Variants in DNAH11 observed in about 807,000 individuals in gnomAD.
DNAH11 encodes the protein axonemal beta dynein heavy chain 11.
In DNAH11, 442 loss-of-function variants were observed where a neutral mutation model predicts 526.0. The observed-to-expected ratio is 0.84, with a 90% CI of 0.78 to 0.91. The LOEUF is 0.91. DNAH11 is among the 40% of genes least tolerant of loss of function. The pLI, the probability that DNAH11 is intolerant of heterozygous loss-of-function variation, is 0.00. For synonymous variants in DNAH11, 2,461 were observed against 1,935.9 expected (o/e 1.27, Z -7.12); for missense variants, 6,989 against 5,448.7 (o/e 1.28, Z -8.90).
rs547002710 is a variant in DNAH11 at position 21,584,653 on chromosome 7, C to T, written c.1710+2632C>T. Among the ~76,000 whole-genome samples the T allele has an allele frequency of 9.2e-5, 14 of 152,128 alleles. No individual in the cohort carries two copies. In the East Asian group the frequency reaches 1.5e-3, roughly 17 times the overall value. On this transcript the variant is annotated intron_variant, in intron 9 of 81. Transcript: ENST00000409508. ...TGAAACTCAGGTGCCAGCCATCAGCCGAAATGTACAGCCTGTTGTTATAAA... is the reference window on the plus strand; with the variant it reads ...TGAAACTCAGGTGCCAGCCATCAGCTGAAATGTACAGCCTGTTGTTATAAA...
intron 61 of DNAH11, among the ~76,000 whole-genome samples, chr7:21,800,634 A>G (rs1788944011): frequency 6.6e-6 from 1 of 152,236 alleles, no homozygotes; most frequent in Non-Finnish European, 1.5e-5. Flanking sequence ...CATTCCAAAA[A>G]AAATGAAAAA....
chr7:21,693,975 G>T (rs760529644), intron 35 of DNAH11, among the ~76,000 whole-genome samples: 1 of 152,014 alleles, frequency 6.6e-6, no homozygotes, highest in Non-Finnish European at 1.5e-5. Flanking sequence ...GAAGTGCCAC[G>T]CACTTTCAAC....
At chr7:21,604,393 AAAC>A (rs1785205757) in intron 18 of DNAH11, among the ~76,000 whole-genome samples, 1 of 152,158 alleles carries the variant, frequency 6.6e-6, no homozygotes, top group Non-Finnish European at 1.5e-5. Flanking sequence ...ATATACTCTG[AAAC>A]AAGATGAATA....
At chr7:21,620,929 G>A (rs929094360) in intron 25 of DNAH11, among the ~76,000 whole-genome samples, 12 of 152,042 alleles carry the variant, frequency 7.9e-5, no homozygotes, top group African/African-American at 2.9e-4. Flanking sequence ...ATTCCATGGT[G>A]TATCTGTGCC....
At chr7:21,875,912 C>G (rs1056191485) in intron 74 of DNAH11, among the ~76,000 whole-genome samples, 1 of 113,814 alleles carries the variant, frequency 8.8e-6, no homozygotes, top group Non-Finnish European at 1.6e-5. Context: ...GAGACAGAGT[C>G]TCACTCTATC....
intron 62 of DNAH11, among the ~76,000 whole-genome samples, chr7:21,804,646 A>T (rs928615360): frequency 2.0e-5 from 3 of 152,188 alleles, no homozygotes; most frequent in East Asian, 1.9e-4. Context: ...CAGATATTCT[A>T]TTGACCCTGC....
chr7:21,673,555 C>G (rs1357341406), intron 30 of DNAH11, among the ~76,000 whole-genome samples: 3 of 152,122 alleles, frequency 2.0e-5, no homozygotes, highest in Admixed American at 2.0e-4. Context: ...GAGCATTTCT[C>G]CATCTCTGCT....
chr7:21,741,213 A>G (rs80159670), intron 48 of DNAH11, among the ~76,000 whole-genome samples: 2,044 of 152,240 alleles, frequency 0.013, 39 homozygotes, highest in African/African-American at 0.041. Flanking sequence ...CTTTCCAAAT[A>G]GGCTTTTTTT....
chr7:21,593,106 T>G (rs1053198657), intron 14 of DNAH11, among the ~76,000 whole-genome samples: 1 of 152,050 alleles, frequency 6.6e-6, no homozygotes, highest in African/African-American at 2.4e-5. Flanking sequence ...AAAACTAGCC[T>G]CGAAGTCCTC....
chr7:21,852,823 C>T (rs1782693868), intron 67 of DNAH11, among the ~76,000 whole-genome samples, 192 bp downstream of exon 67: 1 of 152,172 alleles, frequency 6.6e-6, no homozygotes, highest in African/African-American at 2.4e-5. Flanking sequence ...TGTGCTTCTC[C>T]TAATTCCATA....
intron 1 of DNAH11, 189 bp downstream of exon 1, chr7:21,543,785 A>T: frequency 3.2e-6 from 2 of 620,018 alleles, no homozygotes; most frequent in Admixed American, 6.1e-5. Context: ...CAGCAGCTGC[A>T]GGTTAGTTTC....
chr7:21,868,461 G>A (rs899965662), intron 72 of DNAH11, among the ~76,000 whole-genome samples: 3 of 150,874 alleles, frequency 2.0e-5, no homozygotes, highest in Admixed American at 6.6e-5. Context: ...GTCTCACAAG[G>A]TGAGAGGCTT....
chr7:21,824,249 A>T (rs1277989924), intron 65 of DNAH11, among the ~76,000 whole-genome samples: 2 of 152,144 alleles, frequency 1.3e-5, no homozygotes, highest in African/African-American at 2.4e-5. Flanking sequence ...AAAGCATAAT[A>T]AATTAGACAT....
At chr7:21,685,229 C>A (rs1373855074) in intron 32 of DNAH11, among the ~76,000 whole-genome samples, 4 of 152,274 alleles carry the variant, frequency 2.6e-5, no homozygotes, top group Admixed American at 6.5e-5. Context: ...GATGAAGTCA[C>A]TTGAGAATAG....
chr7:21,735,814 A>C lies in DNAH11; in HGVS notation c.7615A>C (p.Asn2539His). Residue 2539 changes from asparagine to histidine, a missense_variant, in exon 46 of 82, where the codon AAC becomes CAC. Physicochemically the swap from Asn to His is moderately conservative, Grantham distance 68 (BLOSUM62 1). Coordinates refer to ENST00000409508, the MANE Select transcript of DNAH11 (RefSeq NM_001277115.2). ...TTACATAGTATCCCGTGTGCCTTTC[A>C]ACTACTACACGACATCCACAGCTCT... ...EDYIVSRVPF[N>H]YYTTSTALQK... The C allele has an allele frequency of 6.2e-7, 1 of 1,613,490 alleles. No individual in the cohort carries two copies. The highest frequency in any genetic ancestry group is 1.7e-5 in the Admixed American group (1 of 60,004).
chr7:21,601,334 A>C, intron 17 of DNAH11, 62 bp from the exon 18 acceptor site: 1 of 1,511,688 alleles, frequency 6.6e-7, no homozygotes, highest in South Asian at 1.3e-5. Flanking sequence ...CAGAAGTCTT[A>C]TACTGCTAAA....
At chr7:21,730,916 G>A (rs11984144) in intron 45 of DNAH11, among the ~76,000 whole-genome samples, 1,893 of 152,302 alleles carry the variant, frequency 0.012, 39 homozygotes, top group African/African-American at 0.043. Flanking sequence ...GGCCAAGGCA[G>A]GTTGATCACC....
intron 27 of DNAH11, among the ~76,000 whole-genome samples, chr7:21,638,688 T>TGG (rs939558054): frequency 1.7e-4 from 19 of 110,220 alleles, no homozygotes; most frequent in East Asian, 2.8e-4. Flanking sequence ...CCACAGCTAA[T>TGG]GGGGTGTGTG....
intron 61 of DNAH11, among the ~76,000 whole-genome samples, chr7:21,795,631 G>A (rs940841702): frequency 6.6e-6 from 1 of 152,338 alleles, no homozygotes; most frequent in East Asian, 1.9e-4. Context: ...ATTTGTTCTA[G>A]TTGAAGGACT....
Sources: allele counts gnomAD v4.1 joint callset (sites outside exome capture counted in the v4.1 genomes callset), GRCh38; gene constraint gnomAD v4.1.1; transcripts MANE v1.5; gene names NCBI Gene and HGNC (gene_info 2026-07-23, HGNC 2026-07-21).